SPAG17: variants seen among roughly 807,000 people sequenced by gnomAD.
The protein encoded by SPAG17 is sperm associated antigen 17.
In SPAG17, 169 loss-of-function variants were observed where a neutral mutation model predicts 273.6. The observed-to-expected ratio is 0.62, with a 90% CI of 0.55 to 0.70. SPAG17 has a LOEUF of 0.70. SPAG17 is among the 30% of genes least tolerant of loss of function. SPAG17 has a pLI of 0.00. For synonymous variants in SPAG17, 825 were observed against 873.2 expected (o/e 0.94, Z 0.97); for missense variants, 2,557 against 2,627.8 (o/e 0.97, Z 0.59).
At chr1:118,119,762 A>G (rs1370255132) in intron 3 of SPAG17, among the ~76,000 whole-genome samples, 1 of 152,218 alleles carries the variant, frequency 6.6e-6, no homozygotes, top group African/African-American at 2.4e-5. Flanking sequence ...ATGATTGATC[A>G]AATTTACTTA....
intron 18 of SPAG17, among the ~76,000 whole-genome samples, chr1:118,064,595 G>T: frequency 9.4e-6 from 1 of 106,364 alleles, no homozygotes; most frequent in South Asian, 4.3e-4. Flanking sequence ...GTGGGGTGGG[G>T]GGAGGGGGGA....
rs140099354 is a variant in SPAG17, at chr1:117,985,143, G to A, written c.5670-361C>T. 2.5e-3 allele frequency among the ~76,000 whole-genome samples: 381 copies of A among 152,164 alleles called. 2 individuals carry two copies. Among genetic ancestry groups the A allele is most frequent in the African/African-American group, 8.9e-3 (370 of 41,524 alleles). On this transcript the variant is annotated intron_variant, in intron 40 of 48. Coordinates refer to ENST00000336338, the MANE Select transcript of SPAG17 (RefSeq NM_206996.4). The stretch of plus-strand genomic sequence containing the variant: ...GTTGAAATGACAGCTAGAGTCTACT[G>A]GTTTTCATAATTTCTGTAGCAGTAG...
intron 48 of SPAG17, among the ~76,000 whole-genome samples, chr1:117,958,077 G>A (rs1652485688): frequency 6.6e-6 from 1 of 152,144 alleles, no homozygotes; most frequent in African/African-American, 2.4e-5. Flanking sequence ...CAGAGAACAG[G>A]GATGGAGACA....
At chr1:118,122,013 T>G (rs1365469063) in intron 3 of SPAG17, among the ~76,000 whole-genome samples, 1 of 152,230 alleles carries the variant, frequency 6.6e-6, no homozygotes, top group East Asian at 1.9e-4. Context: ...CATAGTAAGC[T>G]ATGTTGCCAT....
chr1:118,071,772 A>C (rs987530106), intron 17 of SPAG17, among the ~76,000 whole-genome samples: 4 of 152,222 alleles, frequency 2.6e-5, no homozygotes, highest in African/African-American at 9.6e-5. Context: ...AAATTGAGCA[A>C]AGCCAAAAGA....
Position 118,086,959 on chromosome 1 carries a change from G to A in SPAG17, c.1409C>T (p.Ser470Phe). The change falls in exon 11 of 49, where the codon TCC (serine) becomes TTC (phenylalanine). Residue 470 changes from serine to phenylalanine, a missense_variant. Physicochemically the swap from Ser to Phe is radical, Grantham distance 155 (BLOSUM62 -2). Coordinates refer to ENST00000336338, the MANE Select transcript of SPAG17 (RefSeq NM_206996.4). ...DLVPPSLREP[S>F]PRADGLDHRI... is the part of the protein sequence containing the mutation. ...GTGGTCTAGCCCGTCTGCTCTGGGG[G>A]ATGGCTCCCGCAGACTGGGTGGGAC... The A allele has an allele frequency of 1.9e-6, 3 of 1,591,670 alleles. No homozygotes were observed. The highest frequency in any genetic ancestry group is 2.6e-6 in the Non-Finnish European group (3 of 1,171,746).
In SPAG17 at chr1:118,144,071, A is replaced by T. The variant is rs142875123; in HGVS notation, c.315+6472T>A. Among the ~76,000 whole-genome samples the T allele has an allele frequency of 1.5e-3, 227 of 152,114 alleles. 3 individuals are homozygous for T. The highest frequency in any genetic ancestry group is 5.3e-3 in the African/African-American group (218 of 41,496). On this transcript the variant is annotated intron_variant, in intron 3 of 48. Transcript: ENST00000336338. ...CCACATGGGCTTGGCCAGCTGCCTG[A>T]CCCCCAGGGTGGAAGAGAGCTGGGG...
At chr1:118,152,631 AT>A (rs1243368158) in intron 1 of SPAG17, among the ~76,000 whole-genome samples, 4 of 152,124 alleles carry the variant, frequency 2.6e-5, no homozygotes, top group African/African-American at 9.7e-5. Context: ...AAAAATGTAT[AT>A]TTTACTTGCA....
intron 3 of SPAG17, among the ~76,000 whole-genome samples, chr1:118,148,123 T>C (rs929446894): frequency 2.6e-5 from 4 of 152,208 alleles, no homozygotes; most frequent in Non-Finnish European, 5.9e-5. Context: ...GATTATCTTT[T>C]ATCTCTTCTC....
intron 18 of SPAG17, among the ~76,000 whole-genome samples, chr1:118,062,384 A>AAAAAAAAAAAAAAAAAAAAAAAATAAAT (rs1553242204): frequency 6.7e-6 from 1 of 149,198 alleles, no homozygotes; most frequent in African/African-American, 2.5e-5. Context: ...AAAAAAAAAA[A>AAAAAAAAAAAAAAAAAAAAAAAATAAAT]AAATTAAAGA....
At chr1:118,029,136 G>C (rs1015853410) in intron 25 of SPAG17, among the ~76,000 whole-genome samples, 16 of 152,206 alleles carry the variant, frequency 1.1e-4, no homozygotes, top group Admixed American at 7.2e-4. Flanking sequence ...TGTGGTCCCA[G>C]CTACTTGGGA....
chr1:118,051,912 A>G (rs1237214336), intron 20 of SPAG17, among the ~76,000 whole-genome samples: 1 of 136,042 alleles, frequency 7.4e-6, no homozygotes, highest in African/African-American at 2.7e-5. Flanking sequence ...AAACTATTAT[A>G]ATACATAAAC....
At position 118,011,659 on chromosome 1, in the gene SPAG17, C is replaced by A. The variant is rs114368315; in HGVS notation, c.4432+569G>T. 4.2e-3 allele frequency among the ~76,000 whole-genome samples: 644 copies of A among 152,006 alleles called. 4 individuals are homozygous for A. The highest frequency in any genetic ancestry group is 0.015 in the African/African-American group (612 of 41,452). The stretch of plus-strand genomic sequence containing the variant: ...TGACAAAATAATCTGTACGGCAAAC[C>A]CTGTTACATGAATTTGGCTATATTA... On this transcript the variant is annotated intron_variant, in intron 30 of 48. Coordinates refer to ENST00000336338, the MANE Select transcript of SPAG17 (RefSeq NM_206996.4).
intron 15 of SPAG17, among the ~76,000 whole-genome samples, chr1:118,075,069 A>G (rs1216256852): frequency 1.3e-5 from 2 of 152,228 alleles, no homozygotes; most frequent in African/African-American, 4.8e-5. Context: ...GCACTGGCAG[A>G]TAAGTGCACT....
intron 30 of SPAG17, among the ~76,000 whole-genome samples, chr1:118,010,875 A>C (rs985221253): frequency 6.6e-6 from 1 of 152,176 alleles, no homozygotes; most frequent in Non-Finnish European, 1.5e-5. Context: ...ACAAATTAGC[A>C]AGCAAAAAAC....
At chr1:118,139,793 G>A (rs1010733664) in intron 3 of SPAG17, among the ~76,000 whole-genome samples, 1 of 151,862 alleles carries the variant, frequency 6.6e-6, no homozygotes, top group Non-Finnish European at 1.5e-5. Flanking sequence ...GAGACTGGGG[G>A]GTGGGGGGAA....
intron 27 of SPAG17, 69 bp from the exon 28 acceptor site, chr1:118,023,532 T>C: frequency 6.9e-7 from 1 of 1,456,484 alleles, no homozygotes; most frequent in Non-Finnish European, 9.3e-7. Context: ...ATAAACGCTG[T>C]GTGTCAAATG....
chr1:117,963,454 C>G (rs1310984247), intron 48 of SPAG17: 2 of 155,660 alleles, frequency 1.3e-5, no homozygotes, highest in Admixed American at 6.4e-5. Context: ...AGCTCCGCTT[C>G]CTGGGTTCAC....
Position 118,073,874 on chromosome 1 carries a change from TA to T in SPAG17, c.2364del (p.Phe788LeufsTer33). The T allele has an allele frequency of 6.3e-7, 1 of 1,582,078 alleles. No individual in the cohort carries two copies. On this transcript the variant is annotated frameshift_variant, in exon 17 of 49. Transcript: ENST00000336338. LOFTEE classifies it high-confidence loss of function. ...SLMDWSFTEHFKPKVLLQVLQ... is the reference protein window; with the variant it reads ...SLMDWSFTEHXKPKVLLQVLQ... ...AATACCTGAAGCAGTACTTTCGGTTTAAAATGTTCAGTAAAACTCCAGTCCA... is the reference window on the plus strand; with the variant it reads ...AATACCTGAAGCAGTACTTTCGGTTTAAATGTTCAGTAAAACTCCAGTCCA...
Sources: allele counts gnomAD v4.1 joint callset (sites outside exome capture counted in the v4.1 genomes callset), GRCh38; gene constraint gnomAD v4.1.1; transcripts MANE v1.5; gene names NCBI Gene and HGNC (gene_info 2026-07-23, HGNC 2026-07-21).